TRIP4: variants seen among roughly 807,000 people sequenced by gnomAD.
TRIP4 encodes the protein activating signal cointegrator 1.
Under a neutral mutation model 81.8 loss-of-function variants are expected in TRIP4, and 54 were observed. The observed-to-expected ratio is 0.66, with a 90% confidence interval of 0.53 to 0.83. The LOEUF (loss-of-function observed/expected upper bound fraction) is 0.83. TRIP4 is among the 40% of genes least tolerant of loss of function. TRIP4 has a pLI of 0.00. For synonymous variants in TRIP4, 270 were observed against 242.8 expected, an observed-to-expected ratio of 1.11 and a Z score of -1.04; for missense variants, 662 against 683.6, an observed-to-expected ratio of 0.97 and a Z score of 0.35.
intron 11 of TRIP4, among the ~76,000 whole-genome samples, chr15:64,433,908 T>G (rs1892332818): frequency 1.4e-5 from 1 of 69,392 alleles, no homozygotes; most frequent in Non-Finnish European, 3.4e-5. Context: ...ATGAGATTTT[T>G]TGTGTGTGAT....
intron 9 of TRIP4, among the ~76,000 whole-genome samples, chr15:64,422,895 C>A (rs1489302093): frequency 6.6e-6 from 1 of 152,192 alleles, no homozygotes; most frequent in East Asian, 1.9e-4. Context: ...CGTGCACCTA[C>A]TGTGTGCCTG....
intron 10 of TRIP4, 156 bp downstream of exon 10, chr15:64,424,311 G>A: frequency 1.0e-6 from 1 of 997,140 alleles, no homozygotes; most frequent in South Asian, 1.8e-5. Flanking sequence ...ATCATTGACA[G>A]CGTTCAAAGC....
intron 1 of TRIP4, 152 bp downstream of exon 1, chr15:64,388,116 CT>C: frequency 7.7e-6 from 10 of 1,299,030 alleles, no homozygotes; most frequent in Non-Finnish European, 9.8e-6. Flanking sequence ...TGGCCTCCAC[CT>C]TTGTAGTTTA....
chr15:64,409,206 G>A (rs1891704040), intron 6 of TRIP4, among the ~76,000 whole-genome samples: 1 of 151,992 alleles, frequency 6.6e-6, no homozygotes, highest in Non-Finnish European at 1.5e-5. Context: ...AAAAAAAAAG[G>A]TAAATAGTTA....
At chr15:64,397,360 A>G (rs908153796) in intron 3 of TRIP4, among the ~76,000 whole-genome samples, 5 of 152,222 alleles carry the variant, frequency 3.3e-5, no homozygotes, top group African/African-American at 1.2e-4. Flanking sequence ...ACCCTCCACT[A>G]GCTATAGTAA....
intron 12 of TRIP4, among the ~76,000 whole-genome samples, chr15:64,453,395 T>C (rs527796534): frequency 6.6e-6 from 1 of 152,348 alleles, no homozygotes; most frequent in African/African-American, 2.4e-5. Flanking sequence ...AAATTTGTAG[T>C]GTCTACCTTT....
chr15:64,430,814 A>G (rs768983073), intron 11 of TRIP4, among the ~76,000 whole-genome samples: 4 of 152,184 alleles, frequency 2.6e-5, no homozygotes, highest in African/African-American at 7.2e-5. Context: ...CCTATCTTCA[A>G]GGAATTATGC....
At chr15:64,420,822 G>A (rs982905343) in intron 9 of TRIP4, among the ~76,000 whole-genome samples, 1 of 151,944 alleles carries the variant, frequency 6.6e-6, no homozygotes, top group East Asian at 1.9e-4. Flanking sequence ...GTGAGCCACC[G>A]TGCCAGGCCA....
chr15:64,452,600 CTG>C (rs1444660886), intron 12 of TRIP4, among the ~76,000 whole-genome samples: 1 of 152,136 alleles, frequency 6.6e-6, no homozygotes, highest in Non-Finnish European at 1.5e-5. Flanking sequence ...CTTAATAATT[CTG>C]TGTGTTAGTA....
At chr15:64,453,294 G>A (rs1892813209) in intron 12 of TRIP4, among the ~76,000 whole-genome samples, 1 of 152,022 alleles carries the variant, frequency 6.6e-6, no homozygotes, top group Non-Finnish European at 1.5e-5. Flanking sequence ...CTCACCTCTG[G>A]GTACCACCAC....
chr15:64,401,373 G>C (rs1346756571), intron 5 of TRIP4, among the ~76,000 whole-genome samples: 1 of 152,092 alleles, frequency 6.6e-6, no homozygotes, highest in Non-Finnish European at 1.5e-5. Context: ...CTGACCTCAT[G>C]ATCTGCCCAC....
intron 5 of TRIP4, among the ~76,000 whole-genome samples, chr15:64,405,148 TTTTTC>T (rs1891594538): frequency 6.6e-6 from 1 of 151,940 alleles, no homozygotes; most frequent in Non-Finnish European, 1.5e-5. Context: ...GTCTAATTTC[TTTTTC>T]TTTTCTTTTT....
intron 7 of TRIP4, among the ~76,000 whole-genome samples, chr15:64,413,692 A>G (rs1239183411): frequency 6.6e-6 from 1 of 151,852 alleles, no homozygotes; most frequent in Non-Finnish European, 1.5e-5. Flanking sequence ...GTTTCAAGTG[A>G]TTCTCCTGCC....
At chr15:64,423,926 C>G in intron 9 of TRIP4, 105 bp from the exon 10 acceptor site, 1 of 1,403,972 alleles carries the variant, frequency 7.1e-7, no homozygotes, top group South Asian at 1.3e-5. Flanking sequence ...ATCTATAGAC[C>G]TCTTGGTTCA....
At chr15:64,396,429 C>T (rs915858752) in intron 3 of TRIP4, among the ~76,000 whole-genome samples, 1 of 151,784 alleles carries the variant, frequency 6.6e-6, no homozygotes, top group African/African-American at 2.4e-5. Flanking sequence ...GGCACACATG[C>T]TACCACACCC....
chr15:64,424,540 A>C, intron 10 of TRIP4, among the ~76,000 whole-genome samples: 1 of 152,228 alleles, frequency 6.6e-6, no homozygotes. Context: ...GTACAAATCA[A>C]AGTTGATTGA....
intron 4 of TRIP4, among the ~76,000 whole-genome samples, chr15:64,400,354 T>G (rs1384471870): frequency 3.3e-5 from 5 of 149,782 alleles, no homozygotes; most frequent in Non-Finnish European, 3.0e-5. Flanking sequence ...TGCATTTTTT[T>G]GTTGAAATGG....
At chr15:64,417,292 A>G (rs978902511) in intron 8 of TRIP4, among the ~76,000 whole-genome samples, 10 of 152,026 alleles carry the variant, frequency 6.6e-5, no homozygotes, top group African/African-American at 2.2e-4. Flanking sequence ...GATTACAGAC[A>G]TCGGCCATCA....
intron 6 of TRIP4, among the ~76,000 whole-genome samples, chr15:64,408,678 A>T (rs1284125421): frequency 6.6e-6 from 1 of 152,260 alleles, no homozygotes; most frequent in South Asian, 2.1e-4. Context: ...GGGAAACGTA[A>T]TCTTAACTGG....
Sources: gnomAD v4.1 joint callset for allele counts (sites outside exome capture counted in the v4.1 genomes callset) on GRCh38, gnomAD v4.1.1 for gene constraint, MANE v1.5 for transcripts, NCBI Gene and HGNC (gene_info 2026-07-23, HGNC 2026-07-21) for gene names.